BANP: variants seen among roughly 807,000 people sequenced by gnomAD.
The protein encoded by BANP is protein BANP.
Under a neutral mutation model 68.1 loss-of-function variants are expected in BANP, and 11 were observed. The observed-to-expected ratio is 0.16, with a 90% confidence interval of 0.10 to 0.27. The LOEUF is 0.27. Among genes scored for constraint, BANP ranks in the 10% least tolerant of loss-of-function variants. BANP has a pLI of 1.00. For missense variants in BANP, 504 were observed against 722.7 expected, an observed-to-expected ratio of 0.70 and a Z score of 3.47; for synonymous variants, 329 against 303.2, an observed-to-expected ratio of 1.09 and a Z score of -0.88.
intron 4 of BANP, among the ~76,000 whole-genome samples, chr16:87,991,936 C>T (rs1343254279): frequency 1.3e-5 from 2 of 152,002 alleles, no homozygotes; most frequent in African/African-American, 4.8e-5. Flanking sequence ...TGCCTTATTC[C>T]TGATCTTTGA....
At chr16:87,972,658 T>A (rs894673292) in intron 1 of BANP, among the ~76,000 whole-genome samples, 2 of 152,212 alleles carry the variant, frequency 1.3e-5, no homozygotes, top group African/African-American at 4.8e-5. Context: ...TTGGGTTCTT[T>A]CCTGTGTTGT....
chr16:88,021,745 C>T (rs1225338309), intron 7 of BANP, among the ~76,000 whole-genome samples: 1 of 152,236 alleles, frequency 6.6e-6, no homozygotes, highest in Non-Finnish European at 1.5e-5. Context: ...CGCATTGCCC[C>T]ACCTTACTCT....
intron 4 of BANP, among the ~76,000 whole-genome samples, chr16:88,001,294 A>C (rs1598322354): frequency 9.8e-6 from 1 of 101,618 alleles, no homozygotes; most frequent in Non-Finnish European, 1.9e-5. Flanking sequence ...GTCAACATGC[A>C]CGCACGTGCG....
chr16:87,990,409 C>T (rs573914824), intron 4 of BANP, among the ~76,000 whole-genome samples: 1 of 152,242 alleles, frequency 6.6e-6, no homozygotes, highest in Non-Finnish European at 1.5e-5. Context: ...ACTGTTGACC[C>T]GTGGATAATT....
Position 88,027,637 on chromosome 16 carries a change from C to T in BANP, c.1050C>T (p.Ser350=). The change falls in exon 8 of 14, where the codon TCC becomes TCT. Residue 350 remains serine (S), a synonymous_variant. Coordinates refer to ENST00000682872, the MANE Select transcript of BANP (RefSeq NM_001386991.1). ...CGCGGAGAACGCCCAACTCGTCCTCCTACTGCCCTTCAGGTAGGCCTCGTG... is the reference window on the plus strand; with the variant it reads ...CGCGGAGAACGCCCAACTCGTCCTCTTACTGCCCTTCAGGTAGGCCTCGTG... ...SFSRRTPNSS[S]YCPSEPMMST... 1 of 1,613,438 alleles carries T rather than the reference C, an allele frequency of 6.2e-7. No individual in the cohort carries two copies. The highest frequency in any genetic ancestry group is 8.5e-7 in the Non-Finnish European group (1 of 1,179,892).
At position 88,035,413 on chromosome 16, in the gene BANP, C is replaced by T; in HGVS notation, c.1272+19C>T. 6.3e-7 allele frequency: 1 copy of T among 1,593,948 alleles called. No individual in the cohort carries two copies. The highest frequency in any genetic ancestry group is 2.3e-5 in the East Asian group (1 of 43,922). Reference sequence around the variant, plus strand: ...CAGCGAGGTGAGTCAGCTCTCGCTGCAGCACTGTCCCTGCAGGCACCGTGC... The same window carrying T: ...CAGCGAGGTGAGTCAGCTCTCGCTGTAGCACTGTCCCTGCAGGCACCGTGC... On this transcript the variant is annotated intron_variant, in intron 10 of 13. Transcript: ENST00000682872.
intron 7 of BANP, among the ~76,000 whole-genome samples, chr16:88,024,281 TGCTCACTC>T (rs1389015803): frequency 1.4e-4 from 22 of 152,312 alleles, no homozygotes; most frequent in Admixed American, 1.4e-3. Flanking sequence ...TTAAGGCCGG[TGCTCACTC>T]CTAACTAGTA....
At chr16:88,065,052 T>C (rs1456367696) in intron 11 of BANP, among the ~76,000 whole-genome samples, 1 of 152,192 alleles carries the variant, frequency 6.6e-6, no homozygotes, top group Non-Finnish European at 1.5e-5. Flanking sequence ...GCCTTTTGTT[T>C]CTGTTGTTTT....
At chr16:87,994,091 G>A (rs1382962674) in intron 4 of BANP, among the ~76,000 whole-genome samples, 1 of 152,178 alleles carries the variant, frequency 6.6e-6, no homozygotes, top group African/African-American at 2.4e-5. Context: ...TTGGAGACCA[G>A]GATGCGGAGC....
chr16:88,054,643 C>A (rs368602579), intron 11 of BANP, among the ~76,000 whole-genome samples: 1 of 152,222 alleles, frequency 6.6e-6, no homozygotes, highest in Non-Finnish European at 1.5e-5. Flanking sequence ...CCTGATTATC[C>A]TGAGTTGTTT....
rs544412213 is a variant in BANP at position 88,055,104 on chromosome 16, T to A, written c.1312-10163T>A. On this transcript the variant is annotated intron_variant, in intron 11 of 13. Coordinates refer to ENST00000682872, the MANE Select transcript of BANP (RefSeq NM_001386991.1). ...TAGTACGTGTGTATTTTAATACTTTTTTTTTGCCCTTTTTTGCCCTTTTTT... is the reference window on the plus strand; with the variant it reads ...TAGTACGTGTGTATTTTAATACTTTATTTTTGCCCTTTTTTGCCCTTTTTT... Among the ~76,000 whole-genome samples the A allele has an allele frequency of 1.9e-3, 293 of 152,124 alleles. 1 individual carries two copies. Among genetic ancestry groups the A allele is most frequent in the African/African-American group, 6.8e-3 (283 of 41,410 alleles).
intron 11 of BANP, among the ~76,000 whole-genome samples, chr16:88,040,824 A>G (rs139066914): frequency 0.031 from 4,792 of 152,346 alleles, 152 homozygotes; most frequent in Non-Finnish European, 0.04. Flanking sequence ...ACAGCACCCC[A>G]ACCGGAGTAA....
intron 6 of BANP, among the ~76,000 whole-genome samples, chr16:88,008,500 T>C (rs1426582286): frequency 6.6e-6 from 1 of 152,212 alleles, no homozygotes; most frequent in Non-Finnish European, 1.5e-5. Context: ...TCAGGCCTGA[T>C]GTTTGTTTGA....
In BANP at chr16:88,018,730, C is replaced by T. The variant is rs1168775950; in HGVS notation, c.895+63C>T. 3 of 1,509,078 alleles carry T rather than the reference C, an allele frequency of 2.0e-6. No individual in the cohort carries two copies. Among genetic ancestry groups the T allele is most frequent in the African/African-American group, 1.4e-5 (1 of 72,144 alleles). 93.5% of individuals were successfully genotyped at this position (1,509,078 alleles called of 1,614,324 possible). A position where few individuals can be genotyped will look rare whatever the true frequency, so the allele number is the denominator to read the frequency against. On this transcript the variant is annotated intron_variant, in intron 7 of 13. Coordinates refer to ENST00000682872, the MANE Select transcript of BANP (RefSeq NM_001386991.1). The surrounding 1 kb of genome is among the most constrained non-coding windows in gnomAD (Gnocchi z 7.7). ...GGGAGCTGGGTCAGGACCCACATTT[C>T]AATGCTGAGGACGCTGGCATCAGTA... is the stretch of plus-strand genomic sequence containing the variant.
At chr16:87,958,296 G>A (rs987804750) in intron 1 of BANP, among the ~76,000 whole-genome samples, 1 of 152,212 alleles carries the variant, frequency 6.6e-6, no homozygotes, top group Non-Finnish European at 1.5e-5. Context: ...GCCATGGCCA[G>A]TGTTAAGAAT....
Position 87,994,388 on chromosome 16 carries a change from G to C in BANP, c.363-9907G>C, listed in dbSNP as rs188531052. 5.9e-3 allele frequency among the ~76,000 whole-genome samples: 903 copies of C among 152,372 alleles called. 9 individuals are homozygous for C. The highest frequency in any genetic ancestry group is 0.017 in the Middle Eastern group (5 of 294). ...TGGAGCACAAGCATGGCTCCTTGGG[G>C]AGAGCAGCGTGAGGAGTTAGATCAG... On this transcript the variant is annotated intron_variant, in intron 4 of 13. Transcript: ENST00000682872.
At chr16:88,074,477 G>A (rs750607067) in intron 13 of BANP, among the ~76,000 whole-genome samples, 4 of 152,094 alleles carry the variant, frequency 2.6e-5, no homozygotes, top group Non-Finnish European at 2.9e-5. Context: ...CTTAATGCGC[G>A]GTGGCCTGTG....
chr16:88,038,252 C>T (rs2079885484), intron 11 of BANP, among the ~76,000 whole-genome samples: 1 of 152,174 alleles, frequency 6.6e-6, no homozygotes, highest in Non-Finnish European at 1.5e-5. Context: ...CAGTCCCCCT[C>T]TCACATACAG....
At chr16:87,995,168 G>A (rs1567693920) in intron 4 of BANP, among the ~76,000 whole-genome samples, 1 of 152,226 alleles carries the variant, frequency 6.6e-6, no homozygotes, top group Non-Finnish European at 1.5e-5. Flanking sequence ...GGCCGTGTGT[G>A]CGCACAATGG....
Sources: gnomAD v4.1 joint callset for allele counts (sites outside exome capture counted in the v4.1 genomes callset) on GRCh38, gnomAD v4.1.1 for gene constraint, Gnocchi (gnomAD v3.1) non-coding constraint, MANE v1.5 for transcripts, NCBI Gene and HGNC (gene_info 2026-07-23, HGNC 2026-07-21) for gene names.